GMDS: variants seen among roughly 807,000 people sequenced by gnomAD.
GMDS encodes the protein GDP-mannose 4,6 dehydratase.
In GMDS, 20 loss-of-function variants were observed where a neutral mutation model predicts 49.9. The ratio of observed to expected loss-of-function variants is 0.40; its 90% CI spans 0.28 to 0.58. GMDS has a LOEUF of 0.58. Ranked by LOEUF, GMDS falls within the 20% of genes least tolerant of loss-of-function variation. GMDS has a pLI of 0.42. For missense variants in GMDS, 362 were observed against 481.4 expected (o/e 0.75, Z 2.32); for synonymous variants, 177 against 178.6 (o/e 0.99, Z 0.07).
intron 4 of GMDS, among the ~76,000 whole-genome samples, chr6:2,000,073 C>T (rs1414050219): frequency 1.2e-5 from 1 of 86,884 alleles, no homozygotes; most frequent in Non-Finnish European, 2.2e-5. Context: ...CTCATTCTGT[C>T]GCCCAGGCTG....
intron 4 of GMDS, among the ~76,000 whole-genome samples, chr6:2,062,151 GGCA>G (rs1335643596): frequency 6.6e-6 from 1 of 152,148 alleles, no homozygotes; most frequent in Non-Finnish European, 1.5e-5. Context: ...CAGGTCCTGA[GGCA>G]ATTTTCCCAT....
At chr6:1,684,212 A>G (rs1764893160) in intron 9 of GMDS, among the ~76,000 whole-genome samples, 2 of 152,272 alleles carry the variant, frequency 1.3e-5, no homozygotes, top group East Asian at 3.9e-4. Context: ...CTGAAGTCGT[A>G]TGGAAACACC....
At chr6:1,758,711 CTG>C (rs1204305549) in intron 7 of GMDS, among the ~76,000 whole-genome samples, 1 of 152,188 alleles carries the variant, frequency 6.6e-6, no homozygotes, top group Non-Finnish European at 1.5e-5. Flanking sequence ...CTGAGAAACT[CTG>C]TGTCTAGAGC....
intron 7 of GMDS, among the ~76,000 whole-genome samples, chr6:1,800,942 C>G (rs1769925079): frequency 1.3e-5 from 2 of 152,184 alleles, no homozygotes. Context: ...GCTGGAGGAG[C>G]GAACTCTGGT....
chr6:1,964,826 C>G (rs887457182), intron 4 of GMDS, among the ~76,000 whole-genome samples: 2 of 152,130 alleles, frequency 1.3e-5, no homozygotes, highest in East Asian at 1.9e-4. Flanking sequence ...TATCCCTCCC[C>G]CTACCCCACA....
At chr6:2,125,558 C>T (rs1192520678) in intron 1 of GMDS, among the ~76,000 whole-genome samples, 1 of 152,034 alleles carries the variant, frequency 6.6e-6, no homozygotes, top group African/African-American at 2.4e-5. Context: ...TGCAAAACTG[C>T]ACTCCAGCCT....
intron 4 of GMDS, among the ~76,000 whole-genome samples, chr6:2,016,853 T>G (rs1292203949): frequency 6.6e-6 from 1 of 152,166 alleles, no homozygotes; most frequent in East Asian, 1.9e-4. Context: ...AATTAGAATA[T>G]GTATTTTAAT....
intron 1 of GMDS, 120 bp downstream of exon 1, chr6:2,245,201 C>T: frequency 1.4e-6 from 1 of 701,396 alleles, no homozygotes; most frequent in Non-Finnish European, 2.5e-6. Flanking sequence ...GGCAGCAGAC[C>T]CCTTCCGGGA....
chr6:1,951,993 C>T (rs773940323), intron 6 of GMDS: 53 of 979,880 alleles, frequency 5.4e-5, no homozygotes, highest in African/African-American at 8.8e-5. Context: ...CTCTAAAATT[C>T]GTATATATGT....
intron 9 of GMDS, among the ~76,000 whole-genome samples, chr6:1,666,902 G>A (rs1261439428): frequency 6.6e-6 from 1 of 152,210 alleles, no homozygotes; most frequent in Non-Finnish European, 1.5e-5. Context: ...GCAGTGAATG[G>A]AGTCAACTCT....
chr6:1,830,284 G>A (rs1237670911), intron 7 of GMDS, among the ~76,000 whole-genome samples: 1 of 152,106 alleles, frequency 6.6e-6, no homozygotes, highest in African/African-American at 2.4e-5. Context: ...CTGACATTTT[G>A]TGACAAATAA....
intron 7 of GMDS, among the ~76,000 whole-genome samples, chr6:1,866,250 T>C (rs1201969498): frequency 1.3e-5 from 2 of 152,214 alleles, no homozygotes; most frequent in African/African-American, 2.4e-5. Context: ...ACCAGATAAA[T>C]ATTAGACAGT....
intron 7 of GMDS, among the ~76,000 whole-genome samples, chr6:1,867,855 C>T (rs1306772777): frequency 2.6e-5 from 4 of 152,138 alleles, no homozygotes; most frequent in African/African-American, 4.8e-5. Flanking sequence ...TAATAGAAGG[C>T]AGGAGTTTTG....
At chr6:2,067,170 T>G (rs1201687390) in intron 4 of GMDS, among the ~76,000 whole-genome samples, 14 of 151,496 alleles carry the variant, frequency 9.2e-5, no homozygotes, top group African/African-American at 2.4e-4. Context: ...GACTACTGGG[T>G]ACATAACGAA....
intron 9 of GMDS, among the ~76,000 whole-genome samples, chr6:1,638,997 T>G (rs180881445): frequency 3.2e-4 from 48 of 152,304 alleles, no homozygotes; most frequent in Admixed American, 2.7e-3. Context: ...CGTTCATACA[T>G]GCAGTCAGCC....
chr6:2,035,666 T>G (rs1334080920), intron 4 of GMDS, among the ~76,000 whole-genome samples: 1 of 151,664 alleles, frequency 6.6e-6, no homozygotes, highest in Non-Finnish European at 1.5e-5. Flanking sequence ...AGTAAAAGAG[T>G]AACTTATTTA....
chr6:2,032,249 G>C (rs1325105865), intron 4 of GMDS, among the ~76,000 whole-genome samples: 2 of 152,260 alleles, frequency 1.3e-5, no homozygotes, highest in South Asian at 2.1e-4. Flanking sequence ...CAGTCTCTCT[G>C]TAATCAATGT....
chr6:1,758,745 C>T (rs997081346), intron 7 of GMDS, among the ~76,000 whole-genome samples: 12 of 152,162 alleles, frequency 7.9e-5, no homozygotes, highest in South Asian at 2.1e-4. Flanking sequence ...ATCAGAAACC[C>T]GCGTCTAAGC....
chr6:2,111,098 T>C (rs1357489486), intron 4 of GMDS, among the ~76,000 whole-genome samples: 1 of 152,078 alleles, frequency 6.6e-6, no homozygotes, highest in East Asian at 1.9e-4. Flanking sequence ...TTAAGATTAT[T>C]AAAGAAGCTC....
Sources: allele counts gnomAD v4.1 joint callset (sites outside exome capture counted in the v4.1 genomes callset), GRCh38; gene constraint gnomAD v4.1.1; transcripts MANE v1.5; gene names NCBI Gene and HGNC (gene_info 2026-07-23, HGNC 2026-07-21).